The following C3orf70 variants were observed in gnomAD, a reference collection of about 807,000 sequenced individuals.
C3orf70 encodes chromosome 3 open reading frame 70.
A neutral mutation model predicts 20.7 loss-of-function variants in C3orf70; 15 were observed. The observed-to-expected ratio is 0.72, with a 90% CI of 0.48 to 1.11. C3orf70 has a LOEUF of 1.11. C3orf70 is among the 50% of genes most tolerant of loss of function. The pLI is 0.00. For missense variants in C3orf70, 332 were observed against 317.6 expected, an observed-to-expected ratio of 1.05 and a Z score of -0.34; for synonymous variants, 161 against 125.7, an observed-to-expected ratio of 1.28 and a Z score of -1.88.
intron 1 of C3orf70, among the ~76,000 whole-genome samples, chr3:185,151,712 G>C (rs1484531086): frequency 1.3e-5 from 2 of 152,082 alleles, no homozygotes; most frequent in African/African-American, 4.8e-5. Context: ...AGATCACTTG[G>C]AAAATGTCCT....
intron 1 of C3orf70, among the ~76,000 whole-genome samples, chr3:185,133,078 CTTCA>C (rs1228760478): frequency 2.0e-5 from 3 of 152,156 alleles, no homozygotes; most frequent in African/African-American, 4.8e-5. Flanking sequence ...ATATGCTCAA[CTTCA>C]TTCATAATAC....
At chr3:185,128,537 A>C (rs1433483042) in intron 1 of C3orf70, among the ~76,000 whole-genome samples, 2 of 151,886 alleles carry the variant, frequency 1.3e-5, no homozygotes, top group African/African-American at 2.4e-5. Context: ...AAAAAAAAAA[A>C]AAACAACAAA....
intron 1 of C3orf70, among the ~76,000 whole-genome samples, chr3:185,138,656 TATTA>T (rs1357159514): frequency 1.3e-5 from 2 of 152,218 alleles, no homozygotes; most frequent in Non-Finnish European, 2.9e-5. Context: ...TACATGATCC[TATTA>T]ATTGATTTTA....
intron 1 of C3orf70, among the ~76,000 whole-genome samples, chr3:185,092,841 ATTAG>A (rs1400760104): frequency 6.6e-6 from 1 of 152,094 alleles, no homozygotes; most frequent in Non-Finnish European, 1.5e-5. Flanking sequence ...AAATACAAAA[ATTAG>A]TTGGGTGCGG....
intron 1 of C3orf70, among the ~76,000 whole-genome samples, chr3:185,149,252 C>T (rs953334975): frequency 9.9e-5 from 15 of 151,980 alleles, no homozygotes; most frequent in Admixed American, 6.6e-4. Flanking sequence ...ATTAGCCAGG[C>T]GTGGTGGTGC....
chr3:185,140,246 T>C (rs74849850), intron 1 of C3orf70, among the ~76,000 whole-genome samples: 3,184 of 152,318 alleles, frequency 0.021, 45 homozygotes, highest in East Asian at 0.094. Flanking sequence ...ATGCAGTTTT[T>C]TGGCATATAA....
chr3:185,082,879 G>A lies in C3orf70; in HGVS notation c.*128C>T, dbSNP rs934904934. On this transcript the variant is annotated 3_prime_UTR_variant, in exon 2 of 2. Transcript: ENST00000335012. Reference sequence around the variant, plus strand: ...AAGCTAATCAGCATACCACTGAACTGCTACGGTTGTTGGTTGGAGCGGGGC... The same window carrying A: ...AAGCTAATCAGCATACCACTGAACTACTACGGTTGTTGGTTGGAGCGGGGC... 1.4e-5 allele frequency: 12 copies of A among 832,580 alleles called. No individual in the cohort carries two copies. The Admixed American group carries it at 2.7e-4, about 19-fold the overall frequency. The allele number at this position is 832,580 out of a possible 1,614,324, so 51.6% of individuals were successfully genotyped here. A position where few individuals can be genotyped will look rare whatever the true frequency, so the allele number is the denominator to read the frequency against.
At chr3:185,093,312 A>T (rs1715633196) in intron 1 of C3orf70, among the ~76,000 whole-genome samples, 1 of 152,206 alleles carries the variant, frequency 6.6e-6, no homozygotes, top group South Asian at 2.1e-4. Flanking sequence ...CCAGCCTTAA[A>T]AATAACATTT....
chr3:185,095,681 A>G (rs1356188900), intron 1 of C3orf70, among the ~76,000 whole-genome samples: 2 of 151,380 alleles, frequency 1.3e-5, no homozygotes, highest in South Asian at 4.2e-4. Context: ...GTGTCTGTAT[A>G]TTATTCAAGA....
chr3:185,141,808 A>G (rs959194534), intron 1 of C3orf70, among the ~76,000 whole-genome samples: 8 of 128,536 alleles, frequency 6.2e-5, no homozygotes, highest in African/African-American at 2.0e-4. Flanking sequence ...GGAAACACAC[A>G]CACACACACA....
chr3:185,136,945 C>T (rs140828384), intron 1 of C3orf70, among the ~76,000 whole-genome samples: 1 of 107,706 alleles, frequency 9.3e-6, no homozygotes, highest in East Asian at 2.7e-4. Context: ...ACAACAACAA[C>T]AACAAACTAC....
intron 1 of C3orf70, among the ~76,000 whole-genome samples, chr3:185,084,417 C>T (rs867021679): frequency 6.6e-6 from 1 of 151,978 alleles, no homozygotes; most frequent in Non-Finnish European, 1.5e-5. Flanking sequence ...ATTGTCCCGG[C>T]CACCCTCAAT....
At chr3:185,098,656 T>G (rs770611094) in intron 1 of C3orf70, among the ~76,000 whole-genome samples, 4 of 152,250 alleles carry the variant, frequency 2.6e-5, no homozygotes, top group Non-Finnish European at 4.4e-5. Flanking sequence ...TCATACTGTC[T>G]GAGAACTAAT....
chr3:185,121,895 C>T (rs1401947946), intron 1 of C3orf70, among the ~76,000 whole-genome samples: 4 of 152,092 alleles, frequency 2.6e-5, no homozygotes, highest in Non-Finnish European at 5.9e-5. Flanking sequence ...GTCAGCAGAT[C>T]AAGACCATCC....
At chr3:185,101,853 G>A (rs1450466055) in intron 1 of C3orf70, among the ~76,000 whole-genome samples, 1 of 152,050 alleles carries the variant, frequency 6.6e-6, no homozygotes, top group African/African-American at 2.4e-5. Context: ...TGCAGAAAAA[G>A]GCTTTCAATA....
intron 1 of C3orf70, among the ~76,000 whole-genome samples, chr3:185,133,992 G>T (rs1716572376): frequency 6.6e-6 from 1 of 152,024 alleles, no homozygotes; most frequent in African/African-American, 2.4e-5. Context: ...AGGAGGCTGA[G>T]GTGGGAGGAT....
chr3:185,107,522 G>GTGGCCAT (rs1410617290), intron 1 of C3orf70, among the ~76,000 whole-genome samples: 8 of 152,158 alleles, frequency 5.3e-5, no homozygotes, highest in African/African-American at 1.7e-4. Context: ...ATTTTTGATG[G>GTGGCCAT]TGGCCATTGT....
chr3:185,136,912 CAACAA>C, intron 1 of C3orf70, among the ~76,000 whole-genome samples: 4 of 338 alleles, frequency 0.012, no homozygotes, highest in Admixed American at 0.045. Flanking sequence ...TGTCTCAAAA[CAACAA>C]CAACAACAAC....
chr3:185,097,694 C>T (rs1299630503), intron 1 of C3orf70, among the ~76,000 whole-genome samples: 3 of 152,090 alleles, frequency 2.0e-5, no homozygotes, highest in African/African-American at 7.2e-5. Flanking sequence ...TGGAATAAGC[C>T]CTTGAAGAGA....
Sources: gnomAD v4.1 joint callset for allele counts (sites outside exome capture counted in the v4.1 genomes callset) on GRCh38, gnomAD v4.1.1 for gene constraint, MANE v1.5 for transcripts, NCBI Gene and HGNC (gene_info 2026-07-23, HGNC 2026-07-21) for gene names.